MAD1L1: variants seen among roughly 807,000 people sequenced by gnomAD.
MAD1L1 encodes mitotic arrest deficient 1 like 1.
A neutral mutation model predicts 96.9 loss-of-function variants in MAD1L1; 95 were observed. The ratio of observed to expected loss-of-function variants is 0.98; its 90% CI spans 0.83 to 1.16. The LOEUF is 1.16. Ranked by LOEUF, MAD1L1 falls within the 50% of genes most tolerant of loss-of-function variation. The pLI is 0.00. For missense variants in MAD1L1, 1,007 were observed against 954.4 expected (o/e 1.06, Z -0.73); for synonymous variants, 473 against 396.6 (o/e 1.19, Z -2.29).
chr7:2,111,491 G>A (rs1271257507), intron 11 of MAD1L1, among the ~76,000 whole-genome samples: 1 of 152,212 alleles, frequency 6.6e-6, no homozygotes, highest in East Asian at 1.9e-4. Flanking sequence ...AGGAAGGGAG[G>A]AAAGACAAAA....
At chr7:2,180,811 T>C (rs1791166420) in intron 10 of MAD1L1, among the ~76,000 whole-genome samples, 1 of 152,208 alleles carries the variant, frequency 6.6e-6, no homozygotes, top group South Asian at 2.1e-4. Context: ...TCTTTCAGTT[T>C]TTTAATGTAT....
At chr7:2,106,849 G>A (rs753877046) in intron 11 of MAD1L1, among the ~76,000 whole-genome samples, 5 of 152,212 alleles carry the variant, frequency 3.3e-5, no homozygotes, top group Non-Finnish European at 7.3e-5. Context: ...CAGCCCCCAG[G>A]AGGACTCGTG....
rs1313077411 is a variant in MAD1L1 at position 2,119,635 on chromosome 7, G to T, written c.1073+29517C>A. ...TAGTGGCAGGTGGGCTACAGCTGCA[G>T]GACAGAGGGCTGGAGCTCTGGAGGG... On this transcript the variant is annotated intron_variant, in intron 11 of 18. Transcript: ENST00000265854. This position sits in a 1 kb window ranked among gnomAD's most constrained non-coding sequence, Gnocchi z 4.6. Among the ~76,000 whole-genome samples the T allele has an allele frequency of 1.3e-5, 2 of 152,198 alleles. No individual in the cohort carries two copies. The highest frequency in any genetic ancestry group is 4.8e-5 in the African/African-American group (2 of 41,434).
intron 14 of MAD1L1, among the ~76,000 whole-genome samples, chr7:1,989,950 T>C (rs957852265): frequency 2.0e-5 from 3 of 152,204 alleles, no homozygotes; most frequent in African/African-American, 7.2e-5. Context: ...AATAGAGACC[T>C]TGCATTCGGT....
intron 11 of MAD1L1, among the ~76,000 whole-genome samples, chr7:2,126,138 A>G (rs1435846115): frequency 6.6e-6 from 1 of 152,150 alleles, no homozygotes; most frequent in Non-Finnish European, 1.5e-5. Context: ...GAAGCGAGGG[A>G]TGGCACCTCT....
Position 1,869,758 on chromosome 7 carries a change from C to T in MAD1L1, c.1998+28442G>A, listed in dbSNP as rs534168542. Among the ~76,000 whole-genome samples, 12 of 152,288 alleles carry T rather than the reference C, an allele frequency of 7.9e-5. No homozygotes were observed. In the South Asian group the frequency reaches 8.3e-4, roughly 11 times the overall value. On this transcript the variant is annotated intron_variant, in intron 18 of 18. Transcript: ENST00000265854. ...ACCACAGCCTCATGGAGATCACGTG[C>T]GTGGGCTCCATGGAACACATCACGA...
chr7:1,919,870 G>T (rs1384708880), intron 17 of MAD1L1, among the ~76,000 whole-genome samples: 1 of 152,230 alleles, frequency 6.6e-6, no homozygotes, highest in Non-Finnish European at 1.5e-5. Flanking sequence ...TCAACAAAAA[G>T]AAACTGCAGA....
At chr7:1,989,879 T>C (rs1305203849) in intron 14 of MAD1L1, among the ~76,000 whole-genome samples, 1 of 152,204 alleles carries the variant, frequency 6.6e-6, no homozygotes, top group Admixed American at 6.5e-5. Context: ...AGCCCCAACC[T>C]TCATGAAACA....
At chr7:1,855,847 C>T (rs187270199) in intron 18 of MAD1L1, among the ~76,000 whole-genome samples, 13 of 152,318 alleles carry the variant, frequency 8.5e-5, no homozygotes, top group African/African-American at 2.9e-4. Flanking sequence ...CTGCACCCCA[C>T]TCTTGGTACC....
At chr7:1,949,274 G>A (rs1368449629) in intron 16 of MAD1L1, among the ~76,000 whole-genome samples, 1 of 152,238 alleles carries the variant, frequency 6.6e-6, no homozygotes, top group Non-Finnish European at 1.5e-5. Flanking sequence ...AAGGTCGGGC[G>A]GGTTAACGGA....
intron 11 of MAD1L1, among the ~76,000 whole-genome samples, chr7:2,128,559 G>A (rs890860853): frequency 6.6e-6 from 1 of 152,240 alleles, no homozygotes; most frequent in Non-Finnish European, 1.5e-5. Context: ...CCTACACCCA[G>A]AGGCCTCGCA....
chr7:1,920,746 T>C (rs1788737071), intron 17 of MAD1L1, among the ~76,000 whole-genome samples: 2 of 152,168 alleles, frequency 1.3e-5, no homozygotes, highest in African/African-American at 2.4e-5. Context: ...GTCCATGAGG[T>C]GACGGATACC....
At chr7:1,941,455 A>T (rs1016202580) in intron 16 of MAD1L1, among the ~76,000 whole-genome samples, 1 of 152,272 alleles carries the variant, frequency 6.6e-6, no homozygotes, top group Non-Finnish European at 1.5e-5. Flanking sequence ...CAAAACAGAG[A>T]AAAGATAAAA....
intron 17 of MAD1L1, among the ~76,000 whole-genome samples, chr7:1,936,338 G>C (rs1448374268): frequency 6.6e-6 from 1 of 152,252 alleles, no homozygotes; most frequent in African/African-American, 2.4e-5. Flanking sequence ...AAGCTGGTGA[G>C]AGATGGACTT....
chr7:2,216,428 G>A (rs930866314), intron 7 of MAD1L1, 141 bp from the exon 8 acceptor site: 2 of 809,726 alleles, frequency 2.5e-6, no homozygotes, highest in African/African-American at 3.5e-5. Context: ...GGACGTTCTG[G>A]GAAAGGAAGG....
At chr7:1,977,611 G>A (rs752098081) in intron 15 of MAD1L1, among the ~76,000 whole-genome samples, 55 of 152,278 alleles carry the variant, frequency 3.6e-4, no homozygotes, top group Non-Finnish European at 6.0e-4. Context: ...TGGTGGGGAC[G>A]AGAAGCTTTG....
intron 5 of MAD1L1, among the ~76,000 whole-genome samples, chr7:2,220,531 G>C (rs1793545243): frequency 6.6e-6 from 1 of 152,316 alleles, no homozygotes; most frequent in South Asian, 2.1e-4. Flanking sequence ...TGTCAGCCCT[G>C]GGGACCACGC....
intron 16 of MAD1L1, 119 bp downstream of exon 16, chr7:1,957,510 T>C (rs1360886186): frequency 5.0e-6 from 5 of 996,964 alleles, no homozygotes; most frequent in Non-Finnish European, 7.5e-6. Context: ...GGGAGGAGAG[T>C]TCAGACAGAC....
At chr7:1,893,776 G>A (rs1234674736) in intron 18 of MAD1L1, among the ~76,000 whole-genome samples, 1 of 152,214 alleles carries the variant, frequency 6.6e-6, no homozygotes, top group Admixed American at 6.5e-5. Flanking sequence ...GAGTGCAGTG[G>A]CCTGGCCAAG....
Sources: allele counts gnomAD v4.1 joint callset (sites outside exome capture counted in the v4.1 genomes callset), GRCh38; gene constraint gnomAD v4.1.1; non-coding constraint Gnocchi (gnomAD v3.1); transcripts MANE v1.5; gene names NCBI Gene and HGNC (gene_info 2026-07-23, HGNC 2026-07-21).